The following SLC22A3 variants were observed in gnomAD, a reference collection of about 807,000 sequenced individuals.
SLC22A3 encodes solute carrier family 22 member 3, also known as EMT organic cation transporter 3.
SLC22A3 carries 51 observed loss-of-function variants against 59.1 expected under a neutral mutation model. The observed-to-expected ratio is 0.86, with a 90% confidence interval of 0.69 to 1.09. The LOEUF (loss-of-function observed/expected upper bound fraction) is 1.09, where lower values mean the gene tolerates loss of function less well. Among genes scored for constraint, SLC22A3 ranks in the 50% least tolerant of loss-of-function variants. The pLI, the probability that SLC22A3 is intolerant of heterozygous loss-of-function variation, is 0.00. For synonymous variants in SLC22A3, 325 were observed against 292.0 expected (o/e 1.11, Z -1.15); for missense variants, 711 against 726.3 (o/e 0.98, Z 0.24).
chr6:160,427,373 C>T (rs2114896529), intron 5 of SLC22A3, among the ~76,000 whole-genome samples: 1 of 152,300 alleles, frequency 6.6e-6, no homozygotes, highest in South Asian at 2.1e-4. Context: ...GGGCTAATGT[C>T]ACCCTGGCTG....
At chr6:160,352,199 A>G (rs887073035) in intron 1 of SLC22A3, among the ~76,000 whole-genome samples, 2 of 152,216 alleles carry the variant, frequency 1.3e-5, no homozygotes, top group Non-Finnish European at 2.9e-5. Context: ...GCATCTTACA[A>G]CTTGAGATAG....
intron 9 of SLC22A3, among the ~76,000 whole-genome samples, chr6:160,446,104 A>T (rs184047101): frequency 6.6e-5 from 10 of 152,330 alleles, no homozygotes; most frequent in African/African-American, 2.4e-4. Flanking sequence ...TGGCCAAGGA[A>T]GTGGAAACCA....
chr6:160,407,228 G>A, intron 3 of SLC22A3, 33 bp downstream of exon 3: 1 of 1,566,898 alleles, frequency 6.4e-7, no homozygotes, highest in Non-Finnish European at 8.6e-7. Flanking sequence ...TCTCTATTTG[G>A]AAACTAGGGC....
At chr6:160,382,535 A>G (rs773685888) in intron 1 of SLC22A3, among the ~76,000 whole-genome samples, 2 of 152,192 alleles carry the variant, frequency 1.3e-5, no homozygotes, top group Non-Finnish European at 2.9e-5. Context: ...CAATAAGCCA[A>G]TGATCACCAG....
chr6:160,380,663 A>G (rs544959729), intron 1 of SLC22A3, among the ~76,000 whole-genome samples: 61 of 152,326 alleles, frequency 4.0e-4, no homozygotes, highest in Non-Finnish European at 7.1e-4. Flanking sequence ...TAGAGTCACT[A>G]TGCTATTTAA....
At chr6:160,403,806 G>GA (rs1786891011) in intron 2 of SLC22A3, among the ~76,000 whole-genome samples, 3 of 151,716 alleles carry the variant, frequency 2.0e-5, no homozygotes, top group South Asian at 4.2e-4. Context: ...AACTAAGGAA[G>GA]AAAAAATGAC....
Position 160,392,889 on chromosome 6 carries a change from G to GATTATTATTATTATT in SLC22A3, c.430-5080_430-5066dup, listed in dbSNP as rs745447046. Among the ~76,000 whole-genome samples, 152 of 151,294 alleles carry GATTATTATTATTATT rather than the reference G, an allele frequency of 1.0e-3. 1 individual carries two copies. Among genetic ancestry groups the GATTATTATTATTATT allele is most frequent in the African/African-American group, 3.5e-3 (143 of 41,152 alleles). ...GCACACCACACCTGACAGTATCAGTGATTATTATTATTATTATTATTATTT... is the reference window on the plus strand; with the variant it reads ...GCACACCACACCTGACAGTATCAGTGATTATTATTATTATTATTATTATTATTATTATTATTATTT... On this transcript the variant is annotated intron_variant, in intron 1 of 10. Transcript: ENST00000275300.
At chr6:160,393,396 G>A (rs1035073940) in intron 1 of SLC22A3, among the ~76,000 whole-genome samples, 5 of 151,240 alleles carry the variant, frequency 3.3e-5, no homozygotes, top group South Asian at 4.2e-4. Flanking sequence ...CCATTAACTC[G>A]TCATTTAGCA....
In SLC22A3 at chr6:160,348,591, G is replaced by C. The variant is rs779634103; in HGVS notation, c.172G>C (p.Ala58Pro). Residue 58 changes from alanine to proline, a missense_variant, in exon 1 of 11, where the codon GCG (alanine) becomes CCG (proline). Coordinates refer to ENST00000275300, the MANE Select transcript of SLC22A3 (RefSeq NM_021977.4). ...CTGGTGCCGCGGGCCAAGTGCCGCG[G>C]CGCTGGCCGAGCGCTGCGGCTGGAG... ...HYWCRGPSAA[A>P]LAERCGWSPE... 5.3e-6 allele frequency: 8 copies of C among 1,520,558 alleles called. No individual in the cohort carries two copies. In the East Asian group the frequency reaches 1.9e-4, roughly 36 times the overall value. The allele number at this position is 1,520,558 out of a possible 1,614,324, so 94.2% of individuals were successfully genotyped here.
At chr6:160,397,041 C>A (rs1034050457) in intron 1 of SLC22A3, among the ~76,000 whole-genome samples, 1 of 152,092 alleles carries the variant, frequency 6.6e-6, no homozygotes, top group African/African-American at 2.4e-5. Context: ...CAATTGGACA[C>A]CTGATAGCAT....
Position 160,415,440 on chromosome 6 carries a change from T to G in SLC22A3, c.975+4594T>G, listed in dbSNP as rs1445213544. ...CATATTTTGTGATTCAAATACATAC[T>G]GTCCGTGTCTATGTTAGGATAGCCT... is the stretch of plus-strand genomic sequence containing the variant. On this transcript the variant is annotated intron_variant, in intron 5 of 10. Transcript: ENST00000275300. This position sits in a 1 kb window ranked among gnomAD's most constrained non-coding sequence, Gnocchi z 4.1. Among the ~76,000 whole-genome samples, 1 of 152,254 alleles carries G rather than the reference T, an allele frequency of 6.6e-6. No individual in the cohort carries two copies. Among genetic ancestry groups the G allele is most frequent in the Non-Finnish European group, 1.5e-5 (1 of 68,048 alleles).
At chr6:160,366,055 G>T (rs1378395386) in intron 1 of SLC22A3, among the ~76,000 whole-genome samples, 2 of 152,102 alleles carry the variant, frequency 1.3e-5, no homozygotes, top group Admixed American at 1.3e-4. Context: ...TACAATTCAA[G>T]ATAGGATTTG....
chr6:160,443,141 CT>C (rs1447771301), intron 8 of SLC22A3, among the ~76,000 whole-genome samples: 2 of 152,252 alleles, frequency 1.3e-5, no homozygotes, highest in Non-Finnish European at 2.9e-5. Flanking sequence ...CAGAAGACCT[CT>C]AGGTGCCCTT....
At chr6:160,402,075 C>A (rs1173764466) in intron 2 of SLC22A3, among the ~76,000 whole-genome samples, 3 of 151,912 alleles carry the variant, frequency 2.0e-5, no homozygotes, top group Non-Finnish European at 4.4e-5. Context: ...AATGAGCCAA[C>A]TAAAAGACAG....
intron 1 of SLC22A3, among the ~76,000 whole-genome samples, chr6:160,393,806 T>G (rs1031523151): frequency 6.6e-6 from 1 of 152,272 alleles, no homozygotes; most frequent in Non-Finnish European, 1.5e-5. Context: ...TAATAATTAC[T>G]TGCCCCAGCA....
chr6:160,404,198 A>G (rs1562486840), intron 2 of SLC22A3, among the ~76,000 whole-genome samples: 1 of 42,086 alleles, frequency 2.4e-5, no homozygotes, highest in Non-Finnish European at 3.8e-5. Context: ...AACAACAACA[A>G]CCAAAAAAAA....
chr6:160,441,206 C>T (rs1788525024), intron 7 of SLC22A3, among the ~76,000 whole-genome samples: 1 of 152,022 alleles, frequency 6.6e-6, no homozygotes, highest in Non-Finnish European at 1.5e-5. Flanking sequence ...CGGGCTGGGA[C>T]CCAGGGAATC....
chr6:160,410,003 G>GA (rs1374103709), intron 4 of SLC22A3, among the ~76,000 whole-genome samples: 1 of 152,162 alleles, frequency 6.6e-6, no homozygotes, highest in Non-Finnish European at 1.5e-5. Context: ...AAAAGCAACA[G>GA]AAAAGCATTT....
intron 1 of SLC22A3, 84 bp from the exon 2 acceptor site, chr6:160,397,895 G>A: frequency 9.4e-7 from 1 of 1,059,566 alleles, no homozygotes; most frequent in Non-Finnish European, 1.5e-6. Flanking sequence ...AATCTTTACA[G>A]ATCATTGATC....
Sources: allele counts gnomAD v4.1 joint callset (sites outside exome capture counted in the v4.1 genomes callset), GRCh38; gene constraint gnomAD v4.1.1; non-coding constraint Gnocchi (gnomAD v3.1); transcripts MANE v1.5; gene names NCBI Gene and HGNC (gene_info 2026-07-23, HGNC 2026-07-21).